Variants in DOCK3 observed in about 807,000 individuals in gnomAD.
The protein encoded by DOCK3 is dedicator of cytokinesis 3.
In DOCK3, 60 loss-of-function variants were observed where a neutral mutation model predicts 265.6. The observed-to-expected ratio is 0.23, with a 90% CI of 0.18 to 0.28. The LOEUF is 0.28. Ranked by LOEUF, DOCK3 falls within the 10% of genes least tolerant of loss-of-function variation. The pLI is 1.00. For missense variants in DOCK3, 1,981 were observed against 2,594.3 expected, an observed-to-expected ratio of 0.76 and a Z score of 5.14; for synonymous variants, 881 against 938.0, an observed-to-expected ratio of 0.94 and a Z score of 1.11.
intron 49 of DOCK3, among the ~76,000 whole-genome samples, chr3:51,363,763 T>A (rs1294854571): frequency 1.3e-5 from 2 of 152,228 alleles, no homozygotes; most frequent in Non-Finnish European, 2.9e-5. Context: ...TGCAATAGTT[T>A]GCTCAGAATG....
intron 2 of DOCK3, among the ~76,000 whole-genome samples, chr3:50,833,625 C>T (rs1203914850): frequency 6.6e-6 from 1 of 152,118 alleles, no homozygotes; most frequent in Non-Finnish European, 1.5e-5. Flanking sequence ...ACATTCTTTA[C>T]CTACCACAGG....
At chr3:51,244,216 A>ATTT (rs34875526) in intron 21 of DOCK3, among the ~76,000 whole-genome samples, 2 of 149,402 alleles carry the variant, frequency 1.3e-5, no homozygotes, top group Non-Finnish European at 1.5e-5. Context: ...ATTAGGATGG[A>ATTT]TTTTTTTTTT....
Position 51,036,929 on chromosome 3 carries a change from G to A in DOCK3, c.316-27519G>A, listed in dbSNP as rs946679237. On this transcript the variant is annotated intron_variant, in intron 5 of 52. Coordinates refer to ENST00000266037, the MANE Select transcript of DOCK3 (RefSeq NM_004947.5). ...TTGCCTGCTGCCATCCATGTAAGAT[G>A]TGACTTGCTCCTCCTTGCCTTCTGC... Among the ~76,000 whole-genome samples the A allele has an allele frequency of 4.6e-5, 7 of 152,132 alleles. No homozygotes were observed. In the South Asian group the frequency reaches 6.2e-4, roughly 14 times the overall value.
intron 1 of DOCK3, among the ~76,000 whole-genome samples, chr3:50,716,649 A>G (rs187367730): frequency 3.3e-5 from 5 of 151,732 alleles, no homozygotes; most frequent in African/African-American, 9.7e-5. Flanking sequence ...TTATTTGCCA[A>G]AGCTTATCAA....
chr3:51,040,479 C>T (rs1244406454), intron 5 of DOCK3, among the ~76,000 whole-genome samples: 1 of 152,156 alleles, frequency 6.6e-6, no homozygotes, highest in Non-Finnish European at 1.5e-5. Flanking sequence ...CAGTCATGAT[C>T]TTTTCTCTAG....
At chr3:50,978,110 T>G (rs1314973263) in intron 5 of DOCK3, among the ~76,000 whole-genome samples, 1 of 151,772 alleles carries the variant, frequency 6.6e-6, no homozygotes, top group Admixed American at 6.6e-5. Context: ...TAGCTCAGAG[T>G]AATTTGATCG....
At position 51,354,999 on chromosome 3, in the gene DOCK3, G is replaced by A. The variant is rs751632306; in HGVS notation, c.4225G>A (p.Ala1409Thr). 1.6e-5 allele frequency: 26 copies of A among 1,613,708 alleles called. No individual in the cohort carries two copies. Among genetic ancestry groups the A allele is most frequent in the South Asian group, 2.2e-5 (2 of 91,078 alleles). The stretch of plus-strand genomic sequence containing the variant: ...GCAGCACCCCAACCATCCTGATGAC[G>A]CCATCCTACAGTGCGATGCCCAGTG... ...AMQHPNHPDD[A>T]ILQCDAQYLQ... is the part of the protein sequence containing the mutation. Residue 1409 changes from alanine (A) to threonine (T), a missense_variant, in exon 41 of 53, where the codon GCC (alanine) becomes ACC (threonine). Ala to Thr is a moderately conservative substitution (Grantham distance 58). Coordinates refer to ENST00000266037, the MANE Select transcript of DOCK3 (RefSeq NM_004947.5).
intron 1 of DOCK3, among the ~76,000 whole-genome samples, chr3:50,756,506 AAC>A (rs1184574738): frequency 6.6e-6 from 1 of 152,062 alleles, no homozygotes; most frequent in Non-Finnish European, 1.5e-5. Flanking sequence ...ATTAGTTCAA[AAC>A]ACACACTGTT....
chr3:50,717,242 G>C (rs991543657), intron 1 of DOCK3, among the ~76,000 whole-genome samples: 2 of 152,188 alleles, frequency 1.3e-5, no homozygotes, highest in Non-Finnish European at 2.9e-5. Context: ...TTACACTTGT[G>C]CAAATATACC....
intron 1 of DOCK3, among the ~76,000 whole-genome samples, chr3:50,715,421 C>T (rs1028325218): frequency 6.6e-6 from 1 of 151,836 alleles, no homozygotes; most frequent in Admixed American, 6.6e-5. Context: ...TGTGGTGGTG[C>T]GTATCTGTAG....
intron 3 of DOCK3, among the ~76,000 whole-genome samples, chr3:50,871,372 T>G (rs572489044): frequency 6.6e-6 from 1 of 152,084 alleles, no homozygotes; most frequent in East Asian, 1.9e-4. Context: ...CATGGAAAAG[T>G]TTGTTGTTAG....
intron 12 of DOCK3, among the ~76,000 whole-genome samples, chr3:51,162,254 G>A (rs188243418): frequency 1.3e-5 from 2 of 152,084 alleles, no homozygotes; most frequent in Non-Finnish European, 2.9e-5. Context: ...GTCTGACTTG[G>A]GCATGAAATA....
chr3:50,681,784 C>T (rs1466655815), intron 1 of DOCK3, among the ~76,000 whole-genome samples: 1 of 152,198 alleles, frequency 6.6e-6, no homozygotes, highest in Non-Finnish European at 1.5e-5. Flanking sequence ...CTCCCTCTCC[C>T]TTCGGAACTC....
chr3:51,174,101 T>C (rs2086820610), intron 12 of DOCK3, among the ~76,000 whole-genome samples: 1 of 152,214 alleles, frequency 6.6e-6, no homozygotes, highest in African/African-American at 2.4e-5. Flanking sequence ...TTCAATTCTA[T>C]CATTGTATTT....
intron 5 of DOCK3, among the ~76,000 whole-genome samples, chr3:51,057,242 G>A (rs1358991859): frequency 6.6e-6 from 1 of 152,234 alleles, no homozygotes; most frequent in South Asian, 2.1e-4. Flanking sequence ...GAGGCAAATT[G>A]TACTTGGCAT....
chr3:51,080,638 T>C (rs999595945), intron 7 of DOCK3, among the ~76,000 whole-genome samples: 1 of 152,172 alleles, frequency 6.6e-6, no homozygotes, highest in East Asian at 1.9e-4. Flanking sequence ...AATAAAAAAA[T>C]TACTTATTAT....
intron 5 of DOCK3, among the ~76,000 whole-genome samples, chr3:50,976,130 G>A (rs1476214550): frequency 1.4e-5 from 2 of 141,830 alleles, no homozygotes. Context: ...GGTTTTTTGT[G>A]TCTCTATTTC....
At chr3:51,378,233 C>A (rs1380793734) in intron 51 of DOCK3, among the ~76,000 whole-genome samples, 1 of 152,186 alleles carries the variant, frequency 6.6e-6, no homozygotes, top group Non-Finnish European at 1.5e-5. Context: ...GGAGACGGGG[C>A]AATTCTCAGA....
rs186014018 is a variant in DOCK3 at position 50,972,627 on chromosome 3, C to G, written c.315+38550C>G. Reference sequence around the variant, plus strand: ...ACACTGGGAACCCTGAAGCTCTCCTCGGTTCAGCCAGCCCTGTGTGCCTGC... The same window carrying G: ...ACACTGGGAACCCTGAAGCTCTCCTGGGTTCAGCCAGCCCTGTGTGCCTGC... On this transcript the variant is annotated intron_variant, in intron 5 of 52. Coordinates refer to ENST00000266037, the MANE Select transcript of DOCK3 (RefSeq NM_004947.5). 2.0e-3 allele frequency among the ~76,000 whole-genome samples: 303 copies of G among 152,306 alleles called. 3 individuals are homozygous for G. Among genetic ancestry groups the G allele is most frequent in the African/African-American group, 6.7e-3 (277 of 41,568 alleles).
Sources: gnomAD v4.1 joint callset for allele counts (sites outside exome capture counted in the v4.1 genomes callset) on GRCh38, gnomAD v4.1.1 for gene constraint, MANE v1.5 for transcripts, NCBI Gene and HGNC (gene_info 2026-07-23, HGNC 2026-07-21) for gene names.